ADGRA1: variants seen among roughly 807,000 people sequenced by gnomAD.
ADGRA1 encodes the protein adhesion G protein-coupled receptor A1.
In ADGRA1, 12 loss-of-function variants were observed where a neutral mutation model predicts 21.3. The ratio of observed to expected loss-of-function variants is 0.56; its 90% CI spans 0.36 to 0.91. The LOEUF (loss-of-function observed/expected upper bound fraction) is 0.91. ADGRA1 is among the 40% of genes least tolerant of loss of function. The pLI is 0.01. For synonymous variants in ADGRA1, 385 were observed against 368.8 expected, an observed-to-expected ratio of 1.04 and a Z score of -0.50; for missense variants, 790 against 805.6, an observed-to-expected ratio of 0.98 and a Z score of 0.23.
rs1316520328 is a variant in ADGRA1 at position 133,097,009 on chromosome 10, AG to A, written c.43del (p.Glu15SerfsTer43). 3 of 1,613,426 alleles carry A rather than the reference AG, an allele frequency of 1.9e-6. No individual in the cohort carries two copies. Among genetic ancestry groups the A allele is most frequent in the Non-Finnish European group, 2.5e-6 (3 of 1,179,940 alleles). On this transcript the variant is annotated frameshift_variant, in exon 3 of 7. Transcript: ENST00000392607. LOFTEE classifies it high-confidence loss of function. ...KTVLSLPRYP[G>X]EFLHPVVYAC... ...CAGTGCTCTCCCTGCCCCGCTACCC[AG>A]GGGAGTTCCTGCACCCCGTGGTGTA... is the stretch of plus-strand genomic sequence containing the variant.
rs1554901419 is a variant in ADGRA1, at chr10:133,112,017, A to AGT, written c.401+9176_401+9177insTG. On this transcript the variant is annotated intron_variant, in intron 5 of 6. Coordinates refer to ENST00000392607, the MANE Select transcript of ADGRA1 (RefSeq NM_001083909.3). ...TGCCTCCAGACCACCTGCCCACCAC[A>AGT]GACACCTCCCTCCTAATGCCTCCAG... Among the ~76,000 whole-genome samples, 122 of 22,788 alleles carry AGT rather than the reference A, an allele frequency of 5.4e-3. 25 individuals are homozygous for AGT. Among genetic ancestry groups the AGT allele is most frequent in the African/African-American group, 0.015 (46 of 3,014 alleles). The allele number at this position is 22,788 out of a possible 152,430, so 14.9% of individuals were successfully genotyped here.
At chr10:133,127,579 G>A (rs1415554707) in intron 6 of ADGRA1, among the ~76,000 whole-genome samples, 1 of 152,118 alleles carries the variant, frequency 6.6e-6, no homozygotes, top group Admixed American at 6.5e-5. Flanking sequence ...TGCCTTCTAT[G>A]GGAGGGGCCT....
intron 5 of ADGRA1, among the ~76,000 whole-genome samples, chr10:133,125,569 G>A (rs1009398384): frequency 9.2e-5 from 14 of 151,422 alleles, no homozygotes; most frequent in Non-Finnish European, 1.3e-4. Context: ...GACTACAGGC[G>A]CCCGCCACCA....
chr10:133,118,356 G>A (rs984503064), intron 5 of ADGRA1, among the ~76,000 whole-genome samples: 8 of 152,144 alleles, frequency 5.3e-5, no homozygotes, highest in African/African-American at 1.7e-4. Context: ...ACTTTTATGT[G>A]CTGTATTAGT....
chr10:133,116,219 A>C (rs569900733), intron 5 of ADGRA1, among the ~76,000 whole-genome samples: 19 of 152,288 alleles, frequency 1.2e-4, no homozygotes, highest in Admixed American at 2.6e-4. Flanking sequence ...AGACACAGTA[A>C]CGAAATGTGG....
At chr10:133,108,694 C>G (rs1324660692) in intron 5 of ADGRA1, among the ~76,000 whole-genome samples, 1 of 152,138 alleles carries the variant, frequency 6.6e-6, no homozygotes, top group African/African-American at 2.4e-5. Flanking sequence ...TGCAGTCTGC[C>G]CACCAGTCCT....
At chr10:133,117,770 C>T (rs534270393) in intron 5 of ADGRA1, among the ~76,000 whole-genome samples, 5 of 152,364 alleles carry the variant, frequency 3.3e-5, no homozygotes, top group East Asian at 1.9e-4. Flanking sequence ...CTTAGAGACA[C>T]GAGACTGGCT....
rs1366632250 is a variant in ADGRA1, at chr10:133,088,125, T to A, written c.-216T>A. 9.1e-6 allele frequency: 9 copies of A among 984,546 alleles called. No individual in the cohort carries two copies. Among genetic ancestry groups the A allele is most frequent in the Non-Finnish European group, 1.1e-5 (9 of 829,452 alleles). The allele number at this position is 984,546 out of a possible 1,614,324, so 61.0% of individuals were successfully genotyped here. On this transcript the variant is annotated 5_prime_UTR_variant, in exon 1 of 7. Transcript: ENST00000392607. ...GCGGCCCGGCCGCCCCGGCAGCCGC[T>A]TCGGCCACAGCAGGTGGGAAGGACG...
Position 133,128,824 on chromosome 10 carries a change from C to G in ADGRA1, c.996C>G (p.Asp332Glu), listed in dbSNP as rs770749898. The G allele has an allele frequency of 6.2e-7, 1 of 1,603,284 alleles. No homozygotes were observed. The highest frequency in any genetic ancestry group is 8.5e-7 in the Non-Finnish European group (1 of 1,176,322). The change falls in exon 7 of 7, where the codon GAC (aspartate) becomes GAG (glutamate). Residue 332 changes from aspartate to glutamate, a missense_variant. Around this residue, in one of 3 missense-constraint regions of ADGRA1, gnomAD observed 391 missense variants for 351.5 expected, o/e 1.11. Transcript: ENST00000392607. ...PPRKDAHPAL[D>E]ANGAALGRAA... ...GCAAGGACGCCCACCCCGCACTTGACGCCAACGGGGCCGCGCTGGGCCGCG... is the reference window on the plus strand; with the variant it reads ...GCAAGGACGCCCACCCCGCACTTGAGGCCAACGGGGCCGCGCTGGGCCGCG...
intron 2 of ADGRA1, chr10:133,092,874 A>AAGGAAGGAAGGG: frequency 6.8e-7 from 1 of 1,465,872 alleles, no homozygotes; most frequent in Non-Finnish European, 9.2e-7. Context: ...GGAAGGAAGG[A>AAGGAAGGAAGGG]AGGAAATGAA....
chr10:133,112,699 T>C (rs1852071981), intron 5 of ADGRA1, among the ~76,000 whole-genome samples: 1 of 147,324 alleles, frequency 6.8e-6, no homozygotes, highest in Non-Finnish European at 1.5e-5. Flanking sequence ...ACGGGCCACG[T>C]CAGTTATTTG....
At chr10:133,099,971 A>C (rs1591170278) in intron 4 of ADGRA1, among the ~76,000 whole-genome samples, 2 of 151,328 alleles carry the variant, frequency 1.3e-5, no homozygotes, top group South Asian at 4.2e-4. Flanking sequence ...AACCCCCCAG[A>C]CTCCCCCACA....
At chr10:133,102,235 C>T (rs781585860) in intron 4 of ADGRA1, 9 of 464,016 alleles carry the variant, frequency 1.9e-5, no homozygotes, top group East Asian at 1.3e-4. Flanking sequence ...CAGGGCCACA[C>T]GAATGCCGTC....
At chr10:133,125,091 A>G (rs1852353878) in intron 5 of ADGRA1, among the ~76,000 whole-genome samples, 1 of 152,190 alleles carries the variant, frequency 6.6e-6, no homozygotes, top group African/African-American at 2.4e-5. Context: ...TAGCCGCTGT[A>G]GCTCTCTTAA....
In ADGRA1 at chr10:133,127,329, G is replaced by A. The variant is rs767061322; in HGVS notation, c.498G>A (p.Ala166=). ...ACGGGACAGAGGACGAGGACACGGC[G>A]TAGTGAGTACCGGGCACCCAGAACC... ...RNYGTEDEDT[A]YCWMAWEPSL... Residue 166 remains alanine (A), a splice_region_variant and synonymous_variant, in exon 6 of 7, where the codon GCG becomes GCA. Coordinates refer to ENST00000392607, the MANE Select transcript of ADGRA1 (RefSeq NM_001083909.3). 1.7e-5 allele frequency: 27 copies of A among 1,591,426 alleles called. No homozygotes were observed. Among genetic ancestry groups the A allele is most frequent in the South Asian group, 2.3e-5 (2 of 87,514 alleles).
chr10:133,095,289 G>A (rs1851667107), intron 2 of ADGRA1, among the ~76,000 whole-genome samples: 2 of 152,160 alleles, frequency 1.3e-5, no homozygotes, highest in Admixed American at 6.5e-5. Flanking sequence ...GGGGCAGAGT[G>A]AGGGTGGGGC....
rs1175661882 is a variant in ADGRA1, at chr10:133,129,621, C to T, written c.*110C>T. The T allele has an allele frequency of 1.6e-5, 12 of 749,206 alleles. No homozygotes were observed. The East Asian group carries it at 2.7e-4, about 17-fold the overall frequency. The allele number at this position is 749,206 out of a possible 1,614,324, so 46.4% of individuals were successfully genotyped here. Reference sequence around the variant, plus strand: ...CGAAGTGACCCCGCCTTTCAGAAGCCGTTCACACCCCTGCCCCTTCCTTGT... The same window carrying T: ...CGAAGTGACCCCGCCTTTCAGAAGCTGTTCACACCCCTGCCCCTTCCTTGT... On this transcript the variant is annotated 3_prime_UTR_variant, in exon 7 of 7. Transcript: ENST00000392607.
chr10:133,106,598 G>A (rs777247906), intron 5 of ADGRA1, among the ~76,000 whole-genome samples: 105 of 152,370 alleles, frequency 6.9e-4, no homozygotes, highest in Non-Finnish European at 1.3e-3. Context: ...GCCTCAGGGC[G>A]CAGGGGACTG....
intron 2 of ADGRA1, 45 bp downstream of exon 2, chr10:133,088,957 G>T: frequency 1.6e-6 from 2 of 1,237,086 alleles, no homozygotes; most frequent in Non-Finnish European, 2.0e-6. Context: ...GGGCTAGGCC[G>T]CTGCGGGGGG....
Sources: gnomAD v4.1 joint callset for allele counts (sites outside exome capture counted in the v4.1 genomes callset) on GRCh38, gnomAD v4.1.1 for gene constraint, gnomAD v4.1.1 regional missense constraint, MANE v1.5 for transcripts, NCBI Gene and HGNC (gene_info 2026-07-23, HGNC 2026-07-21) for gene names.